The following ARFGEF3 variants were observed in gnomAD, a reference collection of about 807,000 sequenced individuals.
The protein encoded by ARFGEF3 is brefeldin A-inhibited guanine nucleotide-exchange protein 3.
In ARFGEF3, 96 loss-of-function variants were observed where a neutral mutation model predicts 221.7. The ratio of observed to expected loss-of-function variants is 0.43; its 90% confidence interval spans 0.37 to 0.51. The LOEUF (loss-of-function observed/expected upper bound fraction) is 0.51, where lower values mean the gene tolerates loss of function less well. Among genes scored for constraint, ARFGEF3 ranks in the 20% least tolerant of loss-of-function variants. The pLI is 0.00. For synonymous variants in ARFGEF3, 1,145 were observed against 1,126.8 expected, an observed-to-expected ratio of 1.02 and a Z score of -0.32; for missense variants, 2,410 against 2,789.9, an observed-to-expected ratio of 0.86 and a Z score of 3.07.
chr6:138,293,460 A>T (rs571588132), intron 19 of ARFGEF3, among the ~76,000 whole-genome samples: 74 of 152,194 alleles, frequency 4.9e-4, no homozygotes, highest in Non-Finnish European at 9.3e-4. Context: ...TTCCAAATAG[A>T]TACTTGAGTT....
chr6:138,294,856 C>T (rs1384902085), intron 20 of ARFGEF3, among the ~76,000 whole-genome samples: 1 of 152,176 alleles, frequency 6.6e-6, no homozygotes, highest in Non-Finnish European at 1.5e-5. Context: ...GCTGGGGATG[C>T]ACCTTAGTGA....
chr6:138,216,726 CAGA>C (rs1315751549), intron 4 of ARFGEF3: 2 of 152,190 alleles, frequency 1.3e-5, no homozygotes, highest in East Asian at 3.8e-4. Context: ...TGAGACCCTT[CAGA>C]AGATTTGTAG....
chr6:138,196,543 G>A (rs966651157), intron 2 of ARFGEF3, among the ~76,000 whole-genome samples: 2 of 152,198 alleles, frequency 1.3e-5, no homozygotes, highest in African/African-American at 4.8e-5. Flanking sequence ...GTTGCTCTGG[G>A]TGAGTCCGTG....
At chr6:138,302,869 C>T (rs928284094) in intron 22 of ARFGEF3, among the ~76,000 whole-genome samples, 1 of 152,152 alleles carries the variant, frequency 6.6e-6, no homozygotes, top group African/African-American at 2.4e-5. Flanking sequence ...TGCCAGTAGA[C>T]CTGTTCTACA....
At chr6:138,180,642 A>G (rs1017515706) in intron 2 of ARFGEF3, among the ~76,000 whole-genome samples, 1 of 152,192 alleles carries the variant, frequency 6.6e-6, no homozygotes, top group African/African-American at 2.4e-5. Context: ...TGGTTAGTCC[A>G]AGCCTGGCTC....
chr6:138,197,325 C>T (rs1777447797), intron 2 of ARFGEF3, among the ~76,000 whole-genome samples: 1 of 152,154 alleles, frequency 6.6e-6, no homozygotes, highest in African/African-American at 2.4e-5. Flanking sequence ...ATGGCTTCTT[C>T]TGGAATGCCT....
chr6:138,315,796 G>A (rs1779914657), intron 26 of ARFGEF3, among the ~76,000 whole-genome samples: 1 of 151,630 alleles, frequency 6.6e-6, no homozygotes, highest in African/African-American at 2.4e-5. Context: ...GTTGCAGTGA[G>A]CCGAGATTGC....
At chr6:138,165,417 G>A (rs1776704641) in intron 1 of ARFGEF3, among the ~76,000 whole-genome samples, 1 of 151,646 alleles carries the variant, frequency 6.6e-6, no homozygotes, top group Admixed American at 6.6e-5. Context: ...TGGGAGAGAG[G>A]GGTCATCCTC....
At chr6:138,313,494 T>C (rs1779866511) in intron 25 of ARFGEF3, among the ~76,000 whole-genome samples, 1 of 152,244 alleles carries the variant, frequency 6.6e-6, no homozygotes, top group Admixed American at 6.5e-5. Context: ...TGTTTCATGG[T>C]TCCTTCGGTA....
intron 5 of ARFGEF3, among the ~76,000 whole-genome samples, chr6:138,233,342 G>C (rs1016304919): frequency 6.6e-6 from 1 of 151,812 alleles, no homozygotes; most frequent in African/African-American, 2.4e-5. Flanking sequence ...TTTTAGATTG[G>C]GCTGGTTTAT....
chr6:138,278,675 C>G (rs1779143826), intron 13 of ARFGEF3, 58 bp downstream of exon 13: 1 of 1,576,802 alleles, frequency 6.3e-7, no homozygotes, highest in Non-Finnish European at 8.7e-7. Context: ...TCCTGGTGTA[C>G]AGCCTAGCCT....
chr6:138,281,547 C>T (rs543307248), intron 14 of ARFGEF3, among the ~76,000 whole-genome samples: 33 of 152,328 alleles, frequency 2.2e-4, no homozygotes, highest in Middle Eastern at 3.4e-3. Flanking sequence ...CTCCCGCTTA[C>T]AAGTGAGAAC....
chr6:138,287,580 A>C (rs901882664), intron 17 of ARFGEF3, among the ~76,000 whole-genome samples: 8 of 152,364 alleles, frequency 5.3e-5, no homozygotes, highest in African/African-American at 1.9e-4. Context: ...AAGCAGACGA[A>C]GAAAATTCAT....
At chr6:138,314,948 C>T (rs1019480987) in intron 26 of ARFGEF3, among the ~76,000 whole-genome samples, 2 of 152,230 alleles carry the variant, frequency 1.3e-5, no homozygotes, top group African/African-American at 4.8e-5. Flanking sequence ...CCTCTATACC[C>T]ATCCTTTTAA....
At chr6:138,192,174 G>T (rs145455460) in intron 2 of ARFGEF3, among the ~76,000 whole-genome samples, 1 of 152,128 alleles carries the variant, frequency 6.6e-6, no homozygotes, top group Non-Finnish European at 1.5e-5. Flanking sequence ...TGCTCTGTCT[G>T]TGTTGAGCCT....
At chr6:138,172,212 G>C (rs543995299) in intron 2 of ARFGEF3, among the ~76,000 whole-genome samples, 2 of 152,176 alleles carry the variant, frequency 1.3e-5, no homozygotes, top group African/African-American at 2.4e-5. Context: ...GTGCAGCTGG[G>C]ATGTCCAGCA....
At chr6:138,254,030 G>T (rs946745367) in intron 9 of ARFGEF3, 46 bp downstream of exon 9, 2 of 1,317,528 alleles carry the variant, frequency 1.5e-6, no homozygotes, top group East Asian at 2.6e-5. Context: ...CAACCCAAGG[G>T]CTGCTGCTGA....
intron 17 of ARFGEF3, among the ~76,000 whole-genome samples, chr6:138,289,557 T>C (rs1779360774): frequency 6.6e-6 from 1 of 152,182 alleles, no homozygotes; most frequent in African/African-American, 2.4e-5. Flanking sequence ...CCAGAGCCCA[T>C]GAAAGGGCCT....
intron 10 of ARFGEF3, among the ~76,000 whole-genome samples, chr6:138,261,262 A>G (rs1349720753): frequency 6.6e-6 from 1 of 152,238 alleles, no homozygotes; most frequent in Non-Finnish European, 1.5e-5. Context: ...TCTGTGCTAG[A>G]AAAGATTTTT....
Sources: allele counts gnomAD v4.1 joint callset (sites outside exome capture counted in the v4.1 genomes callset), GRCh38; gene constraint gnomAD v4.1.1; transcripts MANE v1.5; gene names NCBI Gene and HGNC (gene_info 2026-07-23, HGNC 2026-07-21).